Variants in KEAP1 observed in about 807,000 individuals in gnomAD.
The protein encoded by KEAP1 is kelch like ECH associated protein 1.
In KEAP1, 26 loss-of-function variants were observed where a neutral mutation model predicts 59.7. The ratio of observed to expected loss-of-function variants is 0.44; its 90% CI spans 0.32 to 0.60. The LOEUF is 0.60. Among genes scored for constraint, KEAP1 ranks in the 20% least tolerant of loss-of-function variants. The pLI, the probability that KEAP1 is intolerant of heterozygous loss-of-function variation, is 0.06. For missense variants in KEAP1, 539 were observed against 871.4 expected, an observed-to-expected ratio of 0.62 and a Z score of 4.80; for synonymous variants, 350 against 358.3, an observed-to-expected ratio of 0.98 and a Z score of 0.26.
chr19:10,492,672 C>A (rs965434190), intron 2 of KEAP1: 28 of 186,596 alleles, frequency 1.5e-4, no homozygotes, highest in South Asian at 7.2e-4. Flanking sequence ...TTGCAGTGAG[C>A]CGATATTGCG....
At chr19:10,494,353 T>C (rs1329421424) in intron 2 of KEAP1, among the ~76,000 whole-genome samples, 1 of 137,426 alleles carries the variant, frequency 7.3e-6, no homozygotes, top group African/African-American at 2.8e-5. Flanking sequence ...TTTTTTGAGA[T>C]GGAGTCTCGC....
rs1008912360 is a variant in KEAP1, at chr19:10,492,059, C to G, written c.843G>C (p.Leu281=). 6.2e-6 allele frequency: 10 copies of G among 1,613,944 alleles called. No individual in the cohort carries two copies. The highest frequency in any genetic ancestry group is 8.5e-6 in the Non-Finnish European group (10 of 1,180,050). ...VRCHSLTPNF[L]QMQLQKCEIL... is the part of the protein sequence containing the mutation. ...TCTCGCACTTCTGCAGCTGCATCTG[C>G]AGGAAGTTCGGCGTCAACGAGTGGC... Residue 281 remains leucine (L), a synonymous_variant, in exon 3 of 6, where the codon CTG becomes CTC. Transcript: ENST00000171111.
chr19:10,495,698 C>CA (rs879747384), intron 2 of KEAP1, among the ~76,000 whole-genome samples: 431 of 136,496 alleles, frequency 3.2e-3, no homozygotes, highest in Middle Eastern at 0.015. Context: ...ACTCCATCTC[C>CA]AAAAAAAAAA....
rs1364007421 is a variant in KEAP1 at position 10,489,288 on chromosome 19, C to T, written c.1612G>A (p.Asp538Asn). 5 of 1,613,916 alleles carry T rather than the reference C, an allele frequency of 3.1e-6. No individual in the cohort carries two copies. The highest frequency in any genetic ancestry group is 2.7e-5 in the African/African-American group (2 of 74,912). ...QDQLNSVERY[D>N]VETETWTFVA... ...AAAGTCCACGTCTCTGTTTCCACAT[C>T]GTAGCGCTCCACGCTGTTCAGCTGG... is the stretch of plus-strand genomic sequence containing the variant. The change falls in exon 5 of 6, where the codon GAT becomes AAT. Residue 538 changes from aspartate to asparagine, a missense_variant. Physicochemically the swap from Asp to Asn is conservative, Grantham distance 23 (BLOSUM62 1). Around this residue, in one of 4 missense-constraint regions of KEAP1, gnomAD observed 311 missense variants for 425.2 expected, o/e 0.73. Coordinates refer to ENST00000171111, the MANE Select transcript of KEAP1 (RefSeq NM_203500.2).
chr19:10,498,302 C>T (rs1251234592), intron 2 of KEAP1, among the ~76,000 whole-genome samples: 1 of 150,828 alleles, frequency 6.6e-6, no homozygotes, highest in African/African-American at 2.4e-5. Context: ...CCGGTTCAAG[C>T]GATTCTCCTG....
chr19:10,493,523 C>T (rs1914750277), intron 2 of KEAP1, among the ~76,000 whole-genome samples: 1 of 145,846 alleles, frequency 6.9e-6, no homozygotes, highest in African/African-American at 2.5e-5. Flanking sequence ...GTAGAGATGG[C>T]ATTTCTTCAT....
At chr19:10,493,471 T>C (rs910976261) in intron 2 of KEAP1, among the ~76,000 whole-genome samples, 15 of 149,498 alleles carry the variant, frequency 1.0e-4, no homozygotes, top group African/African-American at 3.7e-4. Flanking sequence ...CATTTTTTTG[T>C]ATTTATTTTT....
At chr19:10,496,389 G>A (rs1914850567) in intron 2 of KEAP1, among the ~76,000 whole-genome samples, 1 of 151,312 alleles carries the variant, frequency 6.6e-6, no homozygotes, top group African/African-American at 2.4e-5. Flanking sequence ...CCAGCTACTT[G>A]GGAGGCTGAG....
At chr19:10,489,034 C>T (rs1179132706) in intron 5 of KEAP1, among the ~76,000 whole-genome samples, 158 bp downstream of exon 5, 1 of 147,958 alleles carries the variant, frequency 6.8e-6, no homozygotes, top group Non-Finnish European at 1.5e-5. Context: ...TGTTGAGGCT[C>T]CAGCGAGCTG....
chr19:10,495,158 C>T (rs1251638181), intron 2 of KEAP1, among the ~76,000 whole-genome samples: 2 of 151,794 alleles, frequency 1.3e-5, no homozygotes, highest in African/African-American at 4.8e-5. Flanking sequence ...GATGGGATGT[C>T]TGAGTTTATT....
chr19:10,489,094 TAAAAAAAAAAAAA>T (rs33966407), intron 5 of KEAP1, 85 bp downstream of exon 5: 15 of 425,422 alleles, frequency 3.5e-5, no homozygotes, highest in South Asian at 1.5e-4. Flanking sequence ...ACCTTGTTTC[TAAAAAAAAAAAAA>T]AAAAAAAAAA....
chr19:10,491,855 G>T lies in KEAP1; in HGVS notation c.1047C>A (p.Asp349Glu), dbSNP rs200244765. ...GGTCCGCCAACCGGAGCCAGGTGCC[G>T]TCACTGGGGTTGTAAGCCTCCAGGT... is the stretch of plus-strand genomic sequence containing the variant. ...LSYLEAYNPSDGTWLRLADLQ... is the reference protein window; with the variant it reads ...LSYLEAYNPSEGTWLRLADLQ... Residue 349 changes from aspartate (D) to glutamate (E), a missense_variant, in exon 3 of 6, where the codon GAC (aspartate) becomes GAA (glutamate). Around this residue, in one of 4 missense-constraint regions of KEAP1, gnomAD observed 311 missense variants for 425.2 expected, o/e 0.73. Transcript: ENST00000171111. This position sits in a 1 kb window ranked among gnomAD's most constrained non-coding sequence, Gnocchi z 5.2. The T allele has an allele frequency of 1.2e-6, 2 of 1,611,424 alleles. No homozygotes were observed. The highest frequency in any genetic ancestry group is 3.4e-5 in the Admixed American group (2 of 59,566).
At chr19:10,493,710 CA>C (rs1403431473) in intron 2 of KEAP1, among the ~76,000 whole-genome samples, 7 of 151,434 alleles carry the variant, frequency 4.6e-5, no homozygotes, top group African/African-American at 1.7e-4. Context: ...TACAGGGGCC[CA>C]CCACCGTGCC....
chr19:10,492,672 C>G, intron 2 of KEAP1: 37 of 186,426 alleles, frequency 2.0e-4, no homozygotes, highest in South Asian at 9.3e-4. Flanking sequence ...TTGCAGTGAG[C>G]CGATATTGCG....
chr19:10,486,638 G>C lies in KEAP1; in HGVS notation c.*14C>G, dbSNP rs1384986447. On this transcript the variant is annotated 3_prime_UTR_variant, in exon 6 of 6. Transcript: ENST00000171111. ...CCCATTGGACTGTATTTTTGCCCAA[G>C]AAACAAAAGTGCCTCAACAGGTACA... 6.2e-7 allele frequency: 1 copy of C among 1,610,266 alleles called. No homozygotes were observed. Among genetic ancestry groups the C allele is most frequent in the Non-Finnish European group, 8.5e-7 (1 of 1,178,384 alleles).
chr19:10,490,818 CATCTG>C (rs1914645001), intron 3 of KEAP1: 1 of 152,214 alleles, frequency 6.6e-6, no homozygotes, highest in African/African-American at 2.4e-5. Context: ...TTCAAAAACA[CATCTG>C]ATAAACCCCT....
At chr19:10,501,681 G>C (rs974004370) in intron 1 of KEAP1, among the ~76,000 whole-genome samples, 1 of 151,950 alleles carries the variant, frequency 6.6e-6, no homozygotes, top group Non-Finnish European at 1.5e-5. Context: ...GAGTAGCTGG[G>C]ATTACAGGCA....
intron 2 of KEAP1, chr19:10,492,693 C>T (rs1416622892): frequency 5.7e-6 from 1 of 175,120 alleles, no homozygotes; most frequent in East Asian, 1.6e-4. Context: ...CCACTGCACT[C>T]CAGCCTGGGC....
In KEAP1 at chr19:10,499,476, GCCGAT is replaced by G; in HGVS notation, c.553_557del (p.Ile185HisfsTer6). The G allele has an allele frequency of 6.2e-7, 1 of 1,614,156 alleles. No homozygotes were observed. Among genetic ancestry groups the G allele is most frequent in the Non-Finnish European group, 8.5e-7 (1 of 1,180,038 alleles). On this transcript the variant is annotated frameshift_variant, in exon 2 of 6. Transcript: ENST00000171111. LOFTEE classifies it high-confidence loss of function. This position sits in a 1 kb window ranked among gnomAD's most constrained non-coding sequence, Gnocchi z 6.7. Reference sequence around the variant, plus strand: ...CAATCTGCTCAGCGAAGTTGGCGATGCCGATGGCATTGCTGGGGTCCAGCTGCTGC... The same window carrying G: ...CAATCTGCTCAGCGAAGTTGGCGATGGGCATTGCTGGGGTCCAGCTGCTGC...
Sources: gnomAD v4.1 joint callset for allele counts (sites outside exome capture counted in the v4.1 genomes callset) on GRCh38, gnomAD v4.1.1 for gene constraint, gnomAD v4.1.1 regional missense constraint, Gnocchi (gnomAD v3.1) non-coding constraint, MANE v1.5 for transcripts, NCBI Gene and HGNC (gene_info 2026-07-23, HGNC 2026-07-21) for gene names.